DDR2: variants seen among roughly 807,000 people sequenced by gnomAD.
DDR2 encodes the protein discoidin domain receptor tyrosine kinase 2, also known as discoidin domain-containing receptor 2.
DDR2 carries 27 observed loss-of-function variants against 94.9 expected under a neutral mutation model. The ratio of observed to expected loss-of-function variants is 0.28; its 90% CI spans 0.21 to 0.39. The LOEUF is 0.39. DDR2 is among the 10% of genes least tolerant of loss of function. DDR2 has a pLI of 1.00. For missense variants in DDR2, 783 were observed against 1,076.0 expected (o/e 0.73, Z 3.81); for synonymous variants, 382 against 377.2 (o/e 1.01, Z -0.15).
At chr1:162,685,017 C>T (rs4656380) in intron 2 of DDR2, among the ~76,000 whole-genome samples, 98,445 of 151,958 alleles carry the variant, frequency 0.65, 33,553 homozygotes, top group Middle Eastern at 0.79. Context: ...TGAGATAGTA[C>T]GGCCTAGTGG....
Position 162,781,949 on chromosome 1 carries a change from C to T in DDR2, c.*1703C>T, listed in dbSNP as rs548237316. 62 of 152,376 alleles carry T rather than the reference C, an allele frequency of 4.1e-4. No individual in the cohort carries two copies. Among genetic ancestry groups the T allele is most frequent in the African/African-American group, 1.4e-3 (59 of 41,588 alleles). 9.4% of individuals were successfully genotyped at this position (152,376 alleles called of 1,614,324 possible). A position where few individuals can be genotyped will look rare whatever the true frequency, so the allele number is the denominator to read the frequency against. The stretch of plus-strand genomic sequence containing the variant: ...TTTCTCAGGAACATGTGTATTTCCC[C>T]ATTCAGCTTTCAGCATTGCTCCACG... On this transcript the variant is annotated 3_prime_UTR_variant, in exon 18 of 18. Transcript: ENST00000367921.
At chr1:162,692,658 C>T (rs185378704) in intron 2 of DDR2, among the ~76,000 whole-genome samples, 2 of 152,286 alleles carry the variant, frequency 1.3e-5, no homozygotes, top group East Asian at 1.9e-4. Context: ...TTGTTGAAGA[C>T]TTGAAAGAGT....
intron 2 of DDR2, among the ~76,000 whole-genome samples, chr1:162,678,912 G>C (rs1286591178): frequency 6.6e-6 from 1 of 152,072 alleles, no homozygotes; most frequent in African/African-American, 2.4e-5. Flanking sequence ...AATTTGACAT[G>C]GAAAGAGAAA....
At chr1:162,675,667 G>C (rs1208373016) in intron 2 of DDR2, among the ~76,000 whole-genome samples, 2 of 152,224 alleles carry the variant, frequency 1.3e-5, no homozygotes, top group Non-Finnish European at 2.9e-5. Context: ...GGACAGGTGA[G>C]ATCATGGAAG....
At position 162,719,320 on chromosome 1, in the gene DDR2, T is replaced by A. The variant is rs994454439; in HGVS notation, c.82+175T>A. The A allele has an allele frequency of 1.3e-5, 10 of 767,018 alleles. No individual in the cohort carries two copies. In the African/African-American group the frequency reaches 1.9e-4, roughly 15 times the overall value. 47.5% of individuals were successfully genotyped at this position (767,018 alleles called of 1,614,324 possible). On this transcript the variant is annotated intron_variant, in intron 3 of 17. Transcript: ENST00000367921. ...GAAAAATGAATATACTTTATATATA[T>A]GTATTTTAATACTTACAACCTGTTG... is the stretch of plus-strand genomic sequence containing the variant.
intron 2 of DDR2, among the ~76,000 whole-genome samples, chr1:162,695,777 C>T (rs1660160666): frequency 6.6e-6 from 1 of 152,094 alleles, no homozygotes; most frequent in Non-Finnish European, 1.5e-5. Context: ...TGCTATATGC[C>T]AGGCACTATA....
At chr1:162,683,945 A>G (rs1028922222) in intron 2 of DDR2, among the ~76,000 whole-genome samples, 5 of 152,214 alleles carry the variant, frequency 3.3e-5, no homozygotes, top group Admixed American at 6.5e-5. Flanking sequence ...CAATTTTTAA[A>G]ACAAACTAAG....
chr1:162,749,490 G>C (rs1343755063), intron 3 of DDR2, among the ~76,000 whole-genome samples: 1 of 152,116 alleles, frequency 6.6e-6, no homozygotes, highest in Non-Finnish European at 1.5e-5. Context: ...CCAATAACAG[G>C]CTCTGAAATT....
chr1:162,725,297 C>A (rs941639012), intron 3 of DDR2, among the ~76,000 whole-genome samples: 1 of 152,180 alleles, frequency 6.6e-6, no homozygotes, highest in African/African-American at 2.4e-5. Flanking sequence ...CTCCAGCAAG[C>A]ATGCTCTTTT....
rs368675530 is a variant in DDR2, at chr1:162,736,789, TC to T, written c.83-16305del. Reference sequence around the variant, plus strand: ...GCAGTGTGGTATTTCACTTCTCTTTTCTCAACTCTATGAAGATTCTTACTTT... The same window carrying T: ...GCAGTGTGGTATTTCACTTCTCTTTTTCAACTCTATGAAGATTCTTACTTT... On this transcript the variant is annotated intron_variant, in intron 3 of 17. Coordinates refer to ENST00000367921, the MANE Select transcript of DDR2 (RefSeq NM_006182.4). Among the ~76,000 whole-genome samples, 22 of 152,344 alleles carry T rather than the reference TC, an allele frequency of 1.4e-4. No individual in the cohort carries two copies. In the South Asian group the frequency reaches 4.4e-3, roughly 30 times the overall value.
At chr1:162,749,880 C>T (rs1003119132) in intron 3 of DDR2, among the ~76,000 whole-genome samples, 10 of 152,156 alleles carry the variant, frequency 6.6e-5, no homozygotes, top group Non-Finnish European at 1.3e-4. Context: ...AAACCTAATC[C>T]GTCATATAAA....
intron 2 of DDR2, among the ~76,000 whole-genome samples, chr1:162,673,094 A>T (rs1241747078): frequency 6.6e-6 from 1 of 152,212 alleles, no homozygotes; most frequent in Non-Finnish European, 1.5e-5. Flanking sequence ...AATTAGACAT[A>T]AAGACATTAA....
intron 12 of DDR2, 67 bp downstream of exon 12, chr1:162,770,579 C>T (rs746699355): frequency 1.4e-5 from 20 of 1,420,658 alleles, no homozygotes; most frequent in African/African-American, 4.2e-5. Flanking sequence ...AGGTATGACA[C>T]GCCTGCTCCC....
intron 3 of DDR2, chr1:162,741,481 A>G (rs1437053024): frequency 7.2e-6 from 4 of 553,826 alleles, no homozygotes; most frequent in Non-Finnish European, 9.2e-6. Flanking sequence ...TGAGAGTAAT[A>G]GTGTGTACTC....
At position 162,761,317 on chromosome 1, in the gene DDR2, C is replaced by G. The variant is rs2102155447; in HGVS notation, c.962C>G (p.Pro321Arg). Residue 321 changes from proline to arginine, a missense_variant, in exon 9 of 18, where the codon CCC becomes CGC. Around this residue, in one of 2 missense-constraint regions of DDR2, gnomAD observed 519 missense variants for 647.9 expected, o/e 0.80. Coordinates refer to ENST00000367921, the MANE Select transcript of DDR2 (RefSeq NM_006182.4). ...TGGGAACCTAATGCCATTTCCTTCC[C>G]CCTTGTCCTGGATGACGTCAACCCC... ...SEWEPNAISFPLVLDDVNPSA... is the reference protein window; with the variant it reads ...SEWEPNAISFRLVLDDVNPSA... The G allele has an allele frequency of 6.2e-7, 1 of 1,614,164 alleles. No homozygotes were observed. The highest frequency in any genetic ancestry group is 8.5e-7 in the Non-Finnish European group (1 of 1,180,036).
chr1:162,737,914 A>G (rs922716121), intron 3 of DDR2, among the ~76,000 whole-genome samples: 5 of 151,280 alleles, frequency 3.3e-5, no homozygotes, highest in South Asian at 2.1e-4. Flanking sequence ...GGCCAGTGAT[A>G]ATGAGCATTT....
intron 2 of DDR2, among the ~76,000 whole-genome samples, chr1:162,673,213 A>G (rs1415931486): frequency 6.6e-6 from 1 of 152,208 alleles, no homozygotes; most frequent in Non-Finnish European, 1.5e-5. Flanking sequence ...AGCCTCTTAG[A>G]GGGCAGCTTT....
At chr1:162,747,657 A>G (rs1662951525) in intron 3 of DDR2, among the ~76,000 whole-genome samples, 1 of 152,176 alleles carries the variant, frequency 6.6e-6, no homozygotes, top group South Asian at 2.1e-4. Context: ...GAACGCCACA[A>G]AGATACTCCT....
chr1:162,673,133 G>A (rs532714991), intron 2 of DDR2, among the ~76,000 whole-genome samples: 9 of 152,234 alleles, frequency 5.9e-5, no homozygotes, highest in East Asian at 1.9e-4. Flanking sequence ...CAGCTCAAAT[G>A]TACTTCCAAA....
Sources: allele counts gnomAD v4.1 joint callset (sites outside exome capture counted in the v4.1 genomes callset), GRCh38; gene constraint gnomAD v4.1.1; regional missense constraint gnomAD v4.1.1; transcripts MANE v1.5; gene names NCBI Gene and HGNC (gene_info 2026-07-23, HGNC 2026-07-21).